The following NOP58 variants were observed in gnomAD, a reference collection of about 807,000 sequenced individuals.
NOP58 encodes the protein NOP58 ribonucleoprotein, also known as nucleolar protein 58.
A neutral mutation model predicts 71.2 loss-of-function variants in NOP58; 44 were observed. The observed-to-expected ratio is 0.62, with a 90% CI of 0.49 to 0.79. The LOEUF is 0.79. Ranked by LOEUF, NOP58 falls within the 30% of genes least tolerant of loss-of-function variation. The pLI is 0.00. For missense variants in NOP58, 538 were observed against 620.2 expected (o/e 0.87, Z 1.41); for synonymous variants, 228 against 200.3 (o/e 1.14, Z -1.17).
chr2:202,290,960 C>G (rs1300821183), intron 7 of NOP58, 165 bp from the exon 8 acceptor site: 8 of 546,418 alleles, frequency 1.5e-5, no homozygotes. Flanking sequence ...AAACTTAAAC[C>G]CTTAAATGAG....
At chr2:202,296,980 G>T (rs1689005578) in intron 10 of NOP58, among the ~76,000 whole-genome samples, 1 of 152,006 alleles carries the variant, frequency 6.6e-6, no homozygotes, top group South Asian at 2.1e-4. Context: ...TGATCCACTC[G>T]CCTCGGCCTC....
At chr2:202,296,822 C>T (rs1018351343) in intron 10 of NOP58, among the ~76,000 whole-genome samples, 1 of 152,212 alleles carries the variant, frequency 6.6e-6, no homozygotes, top group African/African-American at 2.4e-5. Context: ...CAAGCTCTGC[C>T]TCCCAGGTTC....
chr2:202,303,625 T>A lies in NOP58; in HGVS notation c.*189T>A. 1.8e-6 allele frequency: 1 copy of A among 566,114 alleles called. No individual in the cohort carries two copies. The allele number at this position is 566,114 out of a possible 1,614,324, so 35.1% of individuals were successfully genotyped here. ...AACCTTATGTCATCATTTCTTAGAG[T>A]CTTTGATATACAAATAAAATTTTCT... On this transcript the variant is annotated 3_prime_UTR_variant, in exon 15 of 15. Transcript: ENST00000264279.
intron 5 of NOP58, 71 bp from the exon 6 acceptor site, chr2:202,287,589 A>C (rs902914966): frequency 1.4e-5 from 17 of 1,215,936 alleles, no homozygotes; most frequent in Non-Finnish European, 1.9e-5. Flanking sequence ...ACAAAAAAAA[A>C]CTTTAAGGTG....
Position 202,282,418 on chromosome 2 carries a change from A to G in NOP58, c.243A>G (p.Lys81=), listed in dbSNP as rs369280797. ...QLKKVLKKIV[K]EAHEPLAVAD... ...AAAAAGTTCTGAAGAAAATAGTAAAAGAAGCCCATGAACCGCTGGCAGTAG... is the reference window on the plus strand; with the variant it reads ...AAAAAGTTCTGAAGAAAATAGTAAAGGAAGCCCATGAACCGCTGGCAGTAG... The change falls in exon 4 of 15, where the codon AAA becomes AAG. Residue 81 remains lysine (K), a synonymous_variant. Coordinates refer to ENST00000264279, the MANE Select transcript of NOP58 (RefSeq NM_015934.5). 2.0e-5 allele frequency: 33 copies of G among 1,613,686 alleles called. No homozygotes were observed. Among genetic ancestry groups the G allele is most frequent in the Admixed American group, 1.0e-4 (6 of 59,878 alleles).
At position 202,303,346 on chromosome 2, in the gene NOP58, A is replaced by G. The variant is rs776180788; in HGVS notation, c.1540-40A>G. The stretch of plus-strand genomic sequence containing the variant: ...TTCAATGTGATTACTCACCCATACA[A>G]TTTCAGCTCTTTCAAAGCATTCTTG... On this transcript the variant is annotated intron_variant, in intron 14 of 14. Transcript: ENST00000264279. The G allele has an allele frequency of 1.6e-5, 26 of 1,608,522 alleles. No individual in the cohort carries two copies. The Admixed American group carries it at 1.7e-4, about 11-fold the overall frequency.
At chr2:202,270,994 G>A (rs1688503531) in intron 1 of NOP58, among the ~76,000 whole-genome samples, 1 of 151,990 alleles carries the variant, frequency 6.6e-6, no homozygotes. Flanking sequence ...TGAGGCAGGA[G>A]GATCGCTTGA....
intron 4 of NOP58, among the ~76,000 whole-genome samples, chr2:202,283,296 C>G (rs1369118630): frequency 1.3e-5 from 2 of 152,050 alleles, no homozygotes; most frequent in Non-Finnish European, 2.9e-5. Flanking sequence ...GTGGCATGAT[C>G]TCGGCTCACT....
chr2:202,293,805 C>T (rs1201421038), intron 9 of NOP58, among the ~76,000 whole-genome samples: 2 of 151,756 alleles, frequency 1.3e-5, no homozygotes, highest in South Asian at 2.1e-4. Context: ...AAACTCCTGA[C>T]CTCAGGTGAT....
intron 12 of NOP58, among the ~76,000 whole-genome samples, chr2:202,298,129 T>C (rs1366277668): frequency 6.6e-6 from 1 of 152,198 alleles, no homozygotes; most frequent in Non-Finnish European, 1.5e-5. Context: ...TTATGTACTT[T>C]TTTTGTGGTG....
At chr2:202,297,563 A>G in intron 11 of NOP58, 50 bp downstream of exon 11, 1 of 1,555,716 alleles carries the variant, frequency 6.4e-7, no homozygotes, top group Non-Finnish European at 8.8e-7. Flanking sequence ...TCAAAAGTTA[A>G]TAAACTGAGT....
intron 1 of NOP58, 103 bp downstream of exon 1, chr2:202,266,089 G>A: frequency 1.5e-6 from 2 of 1,343,504 alleles, no homozygotes; most frequent in Non-Finnish European, 2.1e-6. Context: ...GTGGGTGCCT[G>A]TTATAGCCCG....
Position 202,295,774 on chromosome 2 carries a change from T to G in NOP58, c.1008T>G (p.Pro336=). ...CCCTCAAATCTAGACGGGATACCCC[T>G]AAGTATGGTCTCATTTATCATGCTT... ...FRALKSRRDT[P]KYGLIYHASL... is the part of the protein sequence containing the mutation. The change falls in exon 10 of 15, where the codon CCT becomes CCG. Residue 336 remains proline, a synonymous_variant. Coordinates refer to ENST00000264279, the MANE Select transcript of NOP58 (RefSeq NM_015934.5). 1 of 1,611,068 alleles carries G rather than the reference T, an allele frequency of 6.2e-7. No individual in the cohort carries two copies. The highest frequency in any genetic ancestry group is 8.5e-7 in the Non-Finnish European group (1 of 1,178,916).
chr2:202,296,760 G>A (rs1328578689), intron 10 of NOP58, among the ~76,000 whole-genome samples: 1 of 151,160 alleles, frequency 6.6e-6, no homozygotes, highest in Non-Finnish European at 1.5e-5. Context: ...TTGAGATGGA[G>A]TCTCACTCTG....
At chr2:202,281,195 C>T (rs986126763) in intron 3 of NOP58, among the ~76,000 whole-genome samples, 5 of 150,776 alleles carry the variant, frequency 3.3e-5, no homozygotes, top group African/African-American at 9.8e-5. Context: ...TGCAATGTCA[C>T]GGTATCACTT....
At chr2:202,301,777 T>C (rs185176892) in intron 13 of NOP58, among the ~76,000 whole-genome samples, 114 of 152,306 alleles carry the variant, frequency 7.5e-4, no homozygotes, top group African/African-American at 2.3e-3. Context: ...AAGATACATG[T>C]ATCATTCATT....
intron 4 of NOP58, among the ~76,000 whole-genome samples, chr2:202,282,734 T>A (rs1446284456): frequency 6.6e-6 from 1 of 152,202 alleles, no homozygotes; most frequent in African/African-American, 2.4e-5. Context: ...ATAATGTTAA[T>A]GTTCTATGTA....
rs769985110 is a variant in NOP58 at position 202,303,409 on chromosome 2, GAAA to G, written c.1569_1571del (p.Lys524del). 2.5e-6 allele frequency: 4 copies of G among 1,609,836 alleles called. No homozygotes were observed. The East Asian group carries it at 6.7e-5, about 27-fold the overall frequency. On this transcript the variant is annotated inframe_deletion, in exon 15 of 15. Transcript: ENST00000264279. ...AGAGTCCAGAGAAAAAGAAGAAAAAGAAAAAAAAGAGAGAGAACGAGGATTAAC... is the reference window on the plus strand; with the variant it reads ...AGAGTCCAGAGAAAAAGAAGAAAAAGAAAAAGAGAGAGAACGAGGATTAAC...
chr2:202,270,790 T>A (rs1688500850), intron 1 of NOP58, among the ~76,000 whole-genome samples: 1 of 151,732 alleles, frequency 6.6e-6, no homozygotes, highest in African/African-American at 2.4e-5. Flanking sequence ...AGCAATCAAT[T>A]AAAAATGAAA....
Sources: gnomAD v4.1 joint callset for allele counts (sites outside exome capture counted in the v4.1 genomes callset) on GRCh38, gnomAD v4.1.1 for gene constraint, MANE v1.5 for transcripts, NCBI Gene and HGNC (gene_info 2026-07-23, HGNC 2026-07-21) for gene names.